Variants in TRPC7 observed in about 807,000 individuals in gnomAD.
The protein encoded by TRPC7 is transient receptor potential cation channel subfamily C member 7, also known as short transient receptor potential channel 7.
A neutral mutation model predicts 90.1 loss-of-function variants in TRPC7; 42 were observed. That is an observed-to-expected ratio of 0.47 (90% CI 0.36 to 0.60). The LOEUF is 0.60. Among genes scored for constraint, TRPC7 ranks in the 20% least tolerant of loss-of-function variants. TRPC7 has a pLI of 0.00. For synonymous variants in TRPC7, 451 were observed against 436.3 expected (o/e 1.03, Z -0.42); for missense variants, 955 against 1,112.3 (o/e 0.86, Z 2.01).
intron 2 of TRPC7, among the ~76,000 whole-genome samples, chr5:136,336,504 AG>A (rs1043529483): frequency 1.1e-4 from 16 of 151,780 alleles, no homozygotes; most frequent in Non-Finnish European, 8.8e-5. Context: ...AGGGAAAGGA[AG>A]GTTTTTTTTT....
chr5:136,336,163 A>C (rs576360007), intron 2 of TRPC7, among the ~76,000 whole-genome samples: 2 of 152,282 alleles, frequency 1.3e-5, no homozygotes, highest in African/African-American at 4.8e-5. Flanking sequence ...CTCTTCTGAG[A>C]AGCTTTCTCT....
At chr5:136,271,107 C>T (rs1580884590) in intron 4 of TRPC7, among the ~76,000 whole-genome samples, 1 of 152,224 alleles carries the variant, frequency 6.6e-6, no homozygotes, top group East Asian at 1.9e-4. Flanking sequence ...CACTCACTCA[C>T]GCCTTCCTTA....
At chr5:136,252,678 A>G (rs1379799227) in intron 5 of TRPC7, among the ~76,000 whole-genome samples, 1 of 152,204 alleles carries the variant, frequency 6.6e-6, no homozygotes, top group East Asian at 1.9e-4. Flanking sequence ...ACCTCAGATC[A>G]TCAGCCATGA....
chr5:136,294,925 G>A (rs1275616543), intron 3 of TRPC7, among the ~76,000 whole-genome samples: 2 of 152,232 alleles, frequency 1.3e-5, no homozygotes, highest in Non-Finnish European at 2.9e-5. Context: ...TTAAGAAAAT[G>A]TGGCACATAT....
chr5:136,339,944 T>A (rs1017027124), intron 2 of TRPC7, among the ~76,000 whole-genome samples: 1 of 149,120 alleles, frequency 6.7e-6, no homozygotes, highest in Non-Finnish European at 1.5e-5. Context: ...ATAGAAATAC[T>A]AGAAGAGAAC....
intron 2 of TRPC7, among the ~76,000 whole-genome samples, chr5:136,352,022 C>A (rs1650610550): frequency 6.6e-6 from 1 of 152,176 alleles, no homozygotes; most frequent in Non-Finnish European, 1.5e-5. Flanking sequence ...CCATCGACAG[C>A]CTCCGTGCTA....
chr5:136,320,582 T>C (rs1759164522), intron 2 of TRPC7, among the ~76,000 whole-genome samples: 1 of 152,196 alleles, frequency 6.6e-6, no homozygotes, highest in Non-Finnish European at 1.5e-5. Flanking sequence ...GCTGTTGTTA[T>C]TCTTGGTGGT....
At chr5:136,347,589 C>T (rs1247658731) in intron 2 of TRPC7, among the ~76,000 whole-genome samples, 2 of 152,206 alleles carry the variant, frequency 1.3e-5, no homozygotes, top group Non-Finnish European at 1.5e-5. Context: ...GGAATCCTTT[C>T]CATTCTGGAG....
intron 11 of TRPC7, 71 bp downstream of exon 11, chr5:136,216,129 C>T (rs537294396): frequency 3.2e-5 from 41 of 1,284,700 alleles, no homozygotes; most frequent in African/African-American, 5.9e-5. Flanking sequence ...ACACTGTGGC[C>T]GTAGCCCAGT....
rs1760414924 is a variant in TRPC7 at position 136,357,179 on chromosome 5, T to G, written c.209A>C (p.Asn70Thr). ...RKMLEESKTL[N>T]FNCVDYMGQN... is the part of the protein sequence containing the mutation. ...CCCCATGTAGTCCACACAGTTGAAG[T>G]TAAGGGTCTTGGACTCCTCCAGCAT... is the stretch of plus-strand genomic sequence containing the variant. The change falls in exon 2 of 12, where the codon AAC (asparagine) becomes ACC (threonine). Residue 70 changes from asparagine to threonine, a missense_variant. Transcript: ENST00000513104. 1 of 1,613,906 alleles carries G rather than the reference T, an allele frequency of 6.2e-7. No individual in the cohort carries two copies. The highest frequency in any genetic ancestry group is 1.1e-5 in the South Asian group (1 of 91,082).
intron 7 of TRPC7, among the ~76,000 whole-genome samples, chr5:136,243,228 A>G (rs1055908187): frequency 1.6e-4 from 24 of 152,160 alleles, no homozygotes; most frequent in African/African-American, 5.3e-4. Flanking sequence ...CAGAGCTCAT[A>G]TGAAAAAGCT....
rs762169418 is a variant in TRPC7 at position 136,356,603 on chromosome 5, G to T, written c.780+5C>A. ...TGCCTGCAGGGTGCTAAGTGGAAGA[G>T]TTACCTTAAATTCAGTCTCAATGTT... On this transcript the variant is annotated splice_donor_5th_base_variant and intron_variant, in intron 2 of 11. Coordinates refer to ENST00000513104, the MANE Select transcript of TRPC7 (RefSeq NM_020389.3). The T allele has an allele frequency of 2.0e-6, 3 of 1,525,992 alleles. No homozygotes were observed. The highest frequency in any genetic ancestry group is 2.6e-5 in the South Asian group (2 of 76,872). The allele number at this position is 1,525,992 out of a possible 1,614,324, so 94.5% of individuals were successfully genotyped here.
intron 3 of TRPC7, among the ~76,000 whole-genome samples, chr5:136,282,180 T>C (rs1454160889): frequency 6.6e-6 from 1 of 152,176 alleles, no homozygotes; most frequent in Non-Finnish European, 1.5e-5. Flanking sequence ...GTCTGACCAG[T>C]ACAAAAATTG....
intron 3 of TRPC7, among the ~76,000 whole-genome samples, chr5:136,296,880 A>G (rs972527731): frequency 3.3e-5 from 5 of 152,288 alleles, no homozygotes; most frequent in African/African-American, 1.2e-4. Context: ...CCCTTTGGCC[A>G]TCTTCACAGC....
chr5:136,361,401 A>T (rs1001870255), intron 1 of TRPC7, among the ~76,000 whole-genome samples: 1 of 152,110 alleles, frequency 6.6e-6, no homozygotes, highest in Admixed American at 6.5e-5. Context: ...CTGATTATTA[A>T]ACTCCCTCTT....
At position 136,292,665 on chromosome 5, in the gene TRPC7, C is replaced by CA. The variant is rs985812537; in HGVS notation, c.964-17829dup. Among the ~76,000 whole-genome samples the CA allele has an allele frequency of 3.3e-5, 5 of 151,988 alleles. No homozygotes were observed. The East Asian group carries it at 9.7e-4, about 29-fold the overall frequency. On this transcript the variant is annotated intron_variant, in intron 3 of 11. Coordinates refer to ENST00000513104, the MANE Select transcript of TRPC7 (RefSeq NM_020389.3). ...AGGCAATAATTAATAGCTTACCAAC[C>CA]AAAAAAAGTCCAGGACCAGATGGAT...
intron 2 of TRPC7, among the ~76,000 whole-genome samples, chr5:136,346,562 A>T (rs1197940071): frequency 6.6e-6 from 1 of 152,200 alleles, no homozygotes; most frequent in African/African-American, 2.4e-5. Context: ...GTACACATAC[A>T]CACAACACAC....
At chr5:136,260,398 G>A (rs1190070887) in intron 5 of TRPC7, among the ~76,000 whole-genome samples, 2 of 152,118 alleles carry the variant, frequency 1.3e-5, no homozygotes, top group African/African-American at 2.4e-5. Context: ...TGGGTTGAAA[G>A]GCCTCACTCT....
At chr5:136,283,348 TC>T (rs1163147136) in intron 3 of TRPC7, among the ~76,000 whole-genome samples, 1 of 152,218 alleles carries the variant, frequency 6.6e-6, no homozygotes, top group Non-Finnish European at 1.5e-5. Context: ...CCATCTATTT[TC>T]CCCAGAAATG....
Sources: gnomAD v4.1 joint callset for allele counts (sites outside exome capture counted in the v4.1 genomes callset) on GRCh38, gnomAD v4.1.1 for gene constraint, MANE v1.5 for transcripts, NCBI Gene and HGNC (gene_info 2026-07-23, HGNC 2026-07-21) for gene names.